The following NDST3 variants were observed in gnomAD, a reference collection of about 807,000 sequenced individuals.
The protein encoded by NDST3 is N-deacetylase and N-sulfotransferase 3.
NDST3 carries 58 observed loss-of-function variants against 96.1 expected under a neutral mutation model. The ratio of observed to expected loss-of-function variants is 0.60; its 90% confidence interval spans 0.49 to 0.75. The LOEUF (loss-of-function observed/expected upper bound fraction) is 0.75. Among genes scored for constraint, NDST3 ranks in the 30% least tolerant of loss-of-function variants. The probability of loss-of-function intolerance (pLI) is 0.00; values close to 1 mark genes in which losing one functional copy is unlikely to be tolerated. For synonymous variants in NDST3, 333 were observed against 359.7 expected, an observed-to-expected ratio of 0.93 and a Z score of 0.84; for missense variants, 788 against 1,034.2, an observed-to-expected ratio of 0.76 and a Z score of 3.27.
chr4:118,036,242 C>T (rs1469487852), intron 1 of NDST3, among the ~76,000 whole-genome samples: 1 of 151,868 alleles, frequency 6.6e-6, no homozygotes, highest in Non-Finnish European at 1.5e-5. Context: ...TTCCTTGAAA[C>T]CTGATTGAGT....
Position 118,151,206 on chromosome 4 carries a change from G to T in NDST3, c.1539+7522G>T, listed in dbSNP as rs1181924242. Among the ~76,000 whole-genome samples the T allele has an allele frequency of 2.0e-5, 3 of 152,276 alleles. No individual in the cohort carries two copies. In the East Asian group the frequency reaches 5.8e-4, roughly 29 times the overall value. The stretch of plus-strand genomic sequence containing the variant: ...GAACAATGAGAACACATGGACACAG[G>T]AAGGGGAACATTACACTCTGGGGAC... On this transcript the variant is annotated intron_variant, in intron 6 of 13. Transcript: ENST00000296499.
chr4:118,201,210 T>A (rs1421450594), intron 6 of NDST3, among the ~76,000 whole-genome samples: 1 of 152,240 alleles, frequency 6.6e-6, no homozygotes, highest in East Asian at 1.9e-4. Flanking sequence ...GTTGATCCCA[T>A]GTCTTTGCTA....
chr4:118,108,592 T>C (rs1010997348), intron 3 of NDST3, among the ~76,000 whole-genome samples: 3 of 152,156 alleles, frequency 2.0e-5, no homozygotes, highest in African/African-American at 7.2e-5. Flanking sequence ...ACAACATAAA[T>C]AGTAATTTTA....
intron 6 of NDST3, among the ~76,000 whole-genome samples, chr4:118,184,313 T>C (rs1182265378): frequency 1.3e-5 from 2 of 152,134 alleles, no homozygotes; most frequent in Non-Finnish European, 2.9e-5. Context: ...TTAGATGAGA[T>C]AACATTTAAA....
At chr4:118,218,349 C>G (rs1165062854) in intron 6 of NDST3, among the ~76,000 whole-genome samples, 2 of 152,136 alleles carry the variant, frequency 1.3e-5, no homozygotes, top group Non-Finnish European at 2.9e-5. Context: ...CCACCACAAT[C>G]AAGTTGGCTT....
chr4:118,238,125 G>A (rs571908195), intron 10 of NDST3, among the ~76,000 whole-genome samples: 1 of 129,938 alleles, frequency 7.7e-6, no homozygotes, highest in East Asian at 2.1e-4. Flanking sequence ...CAAAAGAAGA[G>A]AGAGAGAGAG....
chr4:118,071,265 T>A (rs897655685), intron 2 of NDST3, among the ~76,000 whole-genome samples: 1 of 152,108 alleles, frequency 6.6e-6, no homozygotes, highest in Non-Finnish European at 1.5e-5. Flanking sequence ...TATTTTCTTA[T>A]AACTTTTATT....
intron 3 of NDST3, among the ~76,000 whole-genome samples, chr4:118,107,201 T>C (rs1251257947): frequency 1.3e-5 from 2 of 152,204 alleles, no homozygotes; most frequent in African/African-American, 4.8e-5. Context: ...ATAAATTATA[T>C]GGCCATGTAA....
At chr4:118,119,010 C>T (rs1345496295) in intron 4 of NDST3, among the ~76,000 whole-genome samples, 1 of 152,088 alleles carries the variant, frequency 6.6e-6, no homozygotes, top group Non-Finnish European at 1.5e-5. Context: ...TCATAGAACT[C>T]TGCCAATATC....
At chr4:118,252,860 C>T (rs1302093668) in intron 12 of NDST3, among the ~76,000 whole-genome samples, 2 of 152,078 alleles carry the variant, frequency 1.3e-5, no homozygotes, top group African/African-American at 2.4e-5. Context: ...CATTGCACTC[C>T]AGCCTGGGCA....
At chr4:118,108,252 G>A (rs1341709412) in intron 3 of NDST3, among the ~76,000 whole-genome samples, 1 of 152,208 alleles carries the variant, frequency 6.6e-6, no homozygotes, top group Non-Finnish European at 1.5e-5. Flanking sequence ...CCATCTCAGT[G>A]AAGAAGAGAA....
chr4:118,238,336 C>A (rs1457594958), intron 10 of NDST3, among the ~76,000 whole-genome samples: 1 of 152,000 alleles, frequency 6.6e-6, no homozygotes, highest in Admixed American at 6.6e-5. Context: ...TAGAACCTTG[C>A]ACAAAAACGA....
At chr4:118,076,896 A>C (rs1727590406) in intron 2 of NDST3, among the ~76,000 whole-genome samples, 1 of 151,932 alleles carries the variant, frequency 6.6e-6, no homozygotes, top group Non-Finnish European at 1.5e-5. Flanking sequence ...GAGTTTGTGC[A>C]CTCGTTCTTT....
At chr4:118,055,985 T>G (rs562117663) in intron 2 of NDST3, among the ~76,000 whole-genome samples, 215 of 152,050 alleles carry the variant, frequency 1.4e-3, no homozygotes, top group African/African-American at 4.8e-3. Context: ...GGCACTATTT[T>G]AGTCTCTTCC....
chr4:118,098,833 G>A (rs1319731144), intron 2 of NDST3, among the ~76,000 whole-genome samples: 5 of 151,992 alleles, frequency 3.3e-5, no homozygotes, highest in Non-Finnish European at 7.4e-5. Flanking sequence ...ACAGCTACTT[G>A]GATTATCTTC....
chr4:118,166,224 T>G (rs1011700191), intron 6 of NDST3, among the ~76,000 whole-genome samples: 3 of 151,564 alleles, frequency 2.0e-5, no homozygotes, highest in Non-Finnish European at 4.4e-5. Flanking sequence ...AGAGAAGACA[T>G]TACAACTGAT....
At chr4:118,164,243 GA>G (rs1435080878) in intron 6 of NDST3, among the ~76,000 whole-genome samples, 1 of 152,146 alleles carries the variant, frequency 6.6e-6, no homozygotes, top group Non-Finnish European at 1.5e-5. Flanking sequence ...CACAGGAACA[GA>G]AAACCAAATA....
intron 1 of NDST3, among the ~76,000 whole-genome samples, chr4:118,040,150 G>T (rs958139615): frequency 9.9e-5 from 15 of 152,202 alleles, no homozygotes; most frequent in African/African-American, 1.4e-4. Context: ...GTTTTAGACA[G>T]GTTAAGTTTG....
chr4:118,053,704 G>C (rs1277007791), intron 1 of NDST3, 52 bp from the exon 2 acceptor site: 4 of 503,804 alleles, frequency 7.9e-6, no homozygotes, highest in Non-Finnish European at 1.0e-5. Flanking sequence ...ATAAAAACTT[G>C]CTTATTTTAA....
Sources: allele counts gnomAD v4.1 joint callset (sites outside exome capture counted in the v4.1 genomes callset), GRCh38; gene constraint gnomAD v4.1.1; transcripts MANE v1.5; gene names NCBI Gene and HGNC (gene_info 2026-07-23, HGNC 2026-07-21).